SOS1: variants seen among roughly 807,000 people sequenced by gnomAD.
SOS1 encodes the protein SOS Ras/Rac guanine nucleotide exchange factor 1.
In SOS1, 25 loss-of-function variants were observed where a neutral mutation model predicts 157.6. That is an observed-to-expected ratio of 0.16 (90% CI 0.12 to 0.22). The LOEUF (loss-of-function observed/expected upper bound fraction) is 0.22. SOS1 is among the 10% of genes least tolerant of loss of function. The pLI is 1.00. For synonymous variants in SOS1, 528 were observed against 534.0 expected (o/e 0.99, Z 0.16); for missense variants, 1,237 against 1,599.1 (o/e 0.77, Z 3.86).
Position 39,120,390 on chromosome 2 carries a change from G to A in SOS1, c.33C>T (p.Phe11=). Residue 11 remains phenylalanine, a synonymous_variant, in exon 1 of 23, where the codon TTC becomes TTT. Transcript: ENST00000402219. ...GCCACTTGGGCGCGTTCTCTTCGCT[G>A]AAAAACTCGTAGGGCAGCTGCTGCG... MQAQQLPYEF[F]SEENAPKWRG... The A allele has an allele frequency of 6.2e-7, 1 of 1,602,076 alleles. No homozygotes were observed.
At chr2:39,013,762 A>G in intron 12 of SOS1, 105 bp downstream of exon 12, 1 of 1,028,900 alleles carries the variant, frequency 9.7e-7, no homozygotes, top group South Asian at 1.3e-5. Context: ...TAATTTACTA[A>G]TTTTATTGTC....
intron 6 of SOS1, among the ~76,000 whole-genome samples, chr2:39,047,441 G>A (rs958526462): frequency 4.6e-5 from 7 of 152,218 alleles, no homozygotes; most frequent in Admixed American, 3.3e-4. Context: ...ACACCAAACG[G>A]TTTTCCAAAG....
intron 1 of SOS1, among the ~76,000 whole-genome samples, chr2:39,084,284 G>A (rs1672299625): frequency 6.6e-6 from 1 of 152,000 alleles, no homozygotes; most frequent in East Asian, 1.9e-4. Context: ...GTATTCTTAA[G>A]TGAAAAAAGA....
chr2:39,050,959 C>G (rs1207536666), intron 6 of SOS1, among the ~76,000 whole-genome samples, 185 bp downstream of exon 6: 1 of 152,100 alleles, frequency 6.6e-6, no homozygotes, highest in African/African-American at 2.4e-5. Context: ...CAAGAGACCA[C>G]TTTTTCTGTT....
At chr2:39,103,167 A>G (rs1361600342) in intron 1 of SOS1, among the ~76,000 whole-genome samples, 1 of 152,104 alleles carries the variant, frequency 6.6e-6, no homozygotes, top group African/African-American at 2.4e-5. Flanking sequence ...AAAATAACCA[A>G]AATAAATTAA....
At chr2:38,996,764 A>G (rs996614485) in intron 19 of SOS1, among the ~76,000 whole-genome samples, 158 bp downstream of exon 19, 1 of 152,170 alleles carries the variant, frequency 6.6e-6, no homozygotes, top group Non-Finnish European at 1.5e-5. Context: ...ACATTCATTT[A>G]TTTGGAAGGA....
At position 39,112,008 on chromosome 2, in the gene SOS1, T is replaced by C. The variant is rs113921692; in HGVS notation, c.87+8328A>G. 8.1e-3 allele frequency among the ~76,000 whole-genome samples: 1,224 copies of C among 151,968 alleles called. 9 individuals are homozygous for C. The highest frequency in any genetic ancestry group is 0.013 in the Non-Finnish European group (864 of 67,974). Reference sequence around the variant, plus strand: ...GCCTCTATCTCTGGAATCTTAAAACTCCAAAATATAACAATTGTCATCATC... The same window carrying C: ...GCCTCTATCTCTGGAATCTTAAAACCCCAAAATATAACAATTGTCATCATC... On this transcript the variant is annotated intron_variant, in intron 1 of 22. Transcript: ENST00000402219.
chr2:38,996,379 C>T (rs996604997), intron 19 of SOS1, among the ~76,000 whole-genome samples: 18 of 152,178 alleles, frequency 1.2e-4, no homozygotes, highest in African/African-American at 1.4e-4. Context: ...CACGAGCCAC[C>T]GCACCTGGCA....
chr2:39,051,259 A>G lies in SOS1; in HGVS notation c.749T>C (p.Val250Ala), dbSNP rs139290271. Residue 250 changes from valine (V) to alanine (A), a missense_variant, in exon 6 of 23, where the codon GTA becomes GCA. This residue lies in a region of SOS1 where 108 missense variants were observed against 115.3 expected (regional missense o/e 0.94). Transcript: ENST00000402219. Reference protein sequence around the residue: ...NDVENIFSRIVDIHELSVKLL... With the variant: ...NDVENIFSRIADIHELSVKLL... The stretch of plus-strand genomic sequence containing the variant: ...CTTTACACTAAGTTCATGTATATCT[A>G]CTATGCGACTAAATATATTTTCTAC... 8.9e-5 allele frequency: 143 copies of G among 1,611,390 alleles called. No homozygotes were observed. The African/African-American group carries it at 1.4e-3, about 16-fold the overall frequency.
intron 10 of SOS1, among the ~76,000 whole-genome samples, chr2:39,016,781 A>G (rs1286513896): frequency 6.6e-6 from 1 of 152,120 alleles, no homozygotes; most frequent in Non-Finnish European, 1.5e-5. Context: ...ATTTTCTCAA[A>G]TGCCATGAAA....
At chr2:38,989,413 G>A (rs1668659052) in intron 20 of SOS1, 99 bp from the exon 21 acceptor site, 2 of 785,820 alleles carry the variant, frequency 2.5e-6, no homozygotes, top group Non-Finnish European at 4.5e-6. Flanking sequence ...TATTGTCATT[G>A]TCGTTTTAAA....
At chr2:39,097,233 T>C (rs1672802718) in intron 1 of SOS1, among the ~76,000 whole-genome samples, 1 of 152,204 alleles carries the variant, frequency 6.6e-6, no homozygotes, top group Non-Finnish European at 1.5e-5. Context: ...ACTTTATATA[T>C]ACAAATATAT....
chr2:39,027,209 T>G (rs1234770266), intron 8 of SOS1, among the ~76,000 whole-genome samples: 2 of 152,180 alleles, frequency 1.3e-5, no homozygotes, highest in African/African-American at 4.8e-5. Context: ...CACATAAAAA[T>G]ATTTATAAAA....
chr2:38,998,357 C>T (rs1668973009), intron 17 of SOS1, among the ~76,000 whole-genome samples: 1 of 152,108 alleles, frequency 6.6e-6, no homozygotes, highest in Non-Finnish European at 1.5e-5. Context: ...TCAAGCGATT[C>T]TCCTGTCTCA....
In SOS1 at chr2:39,120,970, TGCCGCCGCG is replaced by T. The variant is rs1232451718; in HGVS notation, c.-557_-549del. 3.4e-5 allele frequency: 6 copies of T among 174,342 alleles called. No homozygotes were observed. Among genetic ancestry groups the T allele is most frequent in the East Asian group, 1.7e-4 (1 of 5,768 alleles). 10.8% of individuals were successfully genotyped at this position (174,342 alleles called of 1,614,324 possible). A position where few individuals can be genotyped will look rare whatever the true frequency, so the allele number is the denominator to read the frequency against. ...GTTGGGGAATCTGGCTGCCCTGAGG[TGCCGCCGCG>T]GCCGCCGCCGCCACCGCCGCCGCCG... On this transcript the variant is annotated 5_prime_UTR_variant, in exon 1 of 23. Transcript: ENST00000402219.
At chr2:39,006,918 T>C (rs1416452621) in intron 16 of SOS1, 113 bp downstream of exon 16, 4 of 769,258 alleles carry the variant, frequency 5.2e-6, no homozygotes, top group Non-Finnish European at 9.0e-6. Flanking sequence ...TCTTTTAATC[T>C]ACTACTGAAA....
chr2:39,101,226 C>T (rs775891632), intron 1 of SOS1, among the ~76,000 whole-genome samples: 5 of 152,020 alleles, frequency 3.3e-5, no homozygotes, highest in Non-Finnish European at 7.4e-5. Flanking sequence ...CTCACATGAA[C>T]GAATAGAGCA....
chr2:39,023,244 C>CATTATTA lies in SOS1; in HGVS notation c.1203-26_1203-20dup. 1 of 1,594,362 alleles carries CATTATTA rather than the reference C, an allele frequency of 6.3e-7. No homozygotes were observed. Among genetic ancestry groups the CATTATTA allele is most frequent in the Non-Finnish European group, 8.6e-7 (1 of 1,163,370 alleles). On this transcript the variant is annotated intron_variant, in intron 9 of 22. Coordinates refer to ENST00000402219, the MANE Select transcript of SOS1 (RefSeq NM_005633.4). Reference sequence around the variant, plus strand: ...AGATTCACTGGAATAAAGAAAAAGACATTATTAGTACATAGATGACAGAAA... The same window carrying CATTATTA: ...AGATTCACTGGAATAAAGAAAAAGACATTATTAATTATTAGTACATAGATGACAGAAA...
At chr2:39,114,677 T>C (rs1308008590) in intron 1 of SOS1, among the ~76,000 whole-genome samples, 1 of 151,980 alleles carries the variant, frequency 6.6e-6, no homozygotes, top group Non-Finnish European at 1.5e-5. Flanking sequence ...TGATCTCAGC[T>C]CACTGAAGCC....
Sources: gnomAD v4.1 joint callset for allele counts (sites outside exome capture counted in the v4.1 genomes callset) on GRCh38, gnomAD v4.1.1 for gene constraint, gnomAD v4.1.1 regional missense constraint, MANE v1.5 for transcripts, NCBI Gene and HGNC (gene_info 2026-07-23, HGNC 2026-07-21) for gene names.